IL36A: variants seen among roughly 807,000 people sequenced by gnomAD.
IL36A encodes the protein interleukin-36 alpha.
A neutral mutation model predicts 12.7 loss-of-function variants in IL36A; 13 were observed. That is an observed-to-expected ratio of 1.02 (90% CI 0.67 to 1.63). IL36A has a LOEUF of 1.63. Ranked by LOEUF, IL36A falls within the 40% of genes most tolerant of loss-of-function variation. IL36A has a pLI of 0.00. For synonymous variants in IL36A, 73 were observed against 71.9 expected (o/e 1.01, Z -0.08); for missense variants, 195 against 192.9 (o/e 1.01, Z -0.07).
intron 3 of IL36A, 103 bp from the exon 4 acceptor site, chr2:113,007,729 T>C (rs1684650587): frequency 1.1e-6 from 1 of 885,592 alleles, no homozygotes; most frequent in African/African-American, 1.6e-5. Flanking sequence ...GCTGCTTCAA[T>C]GAGTAGGGAA....
chr2:113,006,993 G>C (rs1052502444), intron 3 of IL36A, among the ~76,000 whole-genome samples: 13 of 152,154 alleles, frequency 8.5e-5, no homozygotes, highest in African/African-American at 2.7e-4. Context: ...CACACACACA[G>C]AGTAAAATCA....
intron 2 of IL36A, 65 bp from the exon 3 acceptor site, chr2:113,006,533 C>A: frequency 6.3e-7 from 1 of 1,587,518 alleles, no homozygotes; most frequent in Non-Finnish European, 8.6e-7. Context: ...TCCCTTAAAA[C>A]TCTGGCTCAG....
At position 113,006,025 on chromosome 2, in the gene IL36A, G is replaced by A. The variant is rs182845963; in HGVS notation, c.62G>A (p.Arg21Gln). 7.8e-5 allele frequency: 126 copies of A among 1,614,042 alleles called. No homozygotes were observed. In the East Asian group the frequency reaches 1.2e-3, roughly 15 times the overall value. The stretch of plus-strand genomic sequence containing the variant: ...GGGAGCATTCAGGATATCAATCATC[G>A]GGTGTGGGTTCTTCAGGACCAGACG... ...QQGSIQDINH[R>Q]VWVLQDQTLI... is the part of the protein sequence containing the mutation. Residue 21 changes from arginine (R) to glutamine (Q), a missense_variant, in exon 2 of 4, where the codon CGG becomes CAG. Physicochemically the swap from Arg to Gln is conservative, Grantham distance 43 (BLOSUM62 1). Coordinates refer to ENST00000259211, the MANE Select transcript of IL36A (RefSeq NM_014440.3).
chr2:113,005,975 A>G lies in IL36A; in HGVS notation c.12A>G (p.Ala4=). MEK[A]LKIDTPQQGS... is the part of the protein sequence containing the mutation. The stretch of plus-strand genomic sequence containing the variant: ...TTTACATTTTGACTTTCTCAACAGC[A>G]TTGAAAATTGACACACCTCAGCAGG... The change falls in exon 2 of 4, where the codon GCA becomes GCG. Residue 4 remains alanine (A), a splice_region_variant and synonymous_variant. Coordinates refer to ENST00000259211, the MANE Select transcript of IL36A (RefSeq NM_014440.3). 6 of 1,613,032 alleles carry G rather than the reference A, an allele frequency of 3.7e-6. No individual in the cohort carries two copies. Among genetic ancestry groups the G allele is most frequent in the Non-Finnish European group, 5.1e-6 (6 of 1,178,978 alleles).
Position 113,006,016 on chromosome 2 carries a change from T to A in IL36A, c.53T>A (p.Ile18Asn), listed in dbSNP as rs1366573268. Residue 18 changes from isoleucine to asparagine, a missense_variant, in exon 2 of 4, where the codon ATC (isoleucine) becomes AAC (asparagine). Coordinates refer to ENST00000259211, the MANE Select transcript of IL36A (RefSeq NM_014440.3). ...DTPQQGSIQD[I>N]NHRVWVLQDQ... ...CCTCAGCAGGGGAGCATTCAGGATA[T>A]CAATCATCGGGTGTGGGTTCTTCAG... 1 of 1,613,966 alleles carries A rather than the reference T, an allele frequency of 6.2e-7. No individual in the cohort carries two copies. The highest frequency in any genetic ancestry group is 8.5e-7 in the Non-Finnish European group (1 of 1,179,980).
downstream of IL36A, among the ~76,000 whole-genome samples, chr2:113,010,209 T>G (rs541956987): frequency 1.3e-3 from 203 of 152,322 alleles, no homozygotes; most frequent in African/African-American, 4.6e-3. Flanking sequence ...ACTGATGAAT[T>G]CCAGGGCCCT....
At chr2:113,010,499 G>GTTTATCCA (rs1684710891), downstream of IL36A, among the ~76,000 whole-genome samples, 1 of 152,188 alleles carries the variant, frequency 6.6e-6, no homozygotes, top group African/African-American at 2.4e-5. Context: ...TGAGATGTAT[G>GTTTATCCA]GACCAGCTGT....
intron 3 of IL36A, 84 bp downstream of exon 3, chr2:113,006,821 C>T: frequency 7.0e-7 from 1 of 1,423,288 alleles, no homozygotes; most frequent in African/African-American, 1.4e-5. Flanking sequence ...ACTTATTATG[C>T]TCATGCATTT....
chr2:113,006,492 A>G lies in IL36A; in HGVS notation c.125-106A>G, dbSNP rs536275836. On this transcript the variant is annotated intron_variant, in intron 2 of 3. Transcript: ENST00000259211. ...TGGTGGGTGGTGAGGTGACCATTCT[A>G]TGAGTGCACTGTGAGTGTCAGTTAG... 3.3e-4 allele frequency: 417 copies of G among 1,261,066 alleles called. 5 individuals are homozygous for G. The South Asian group carries it at 5.1e-3, about 15-fold the overall frequency. The allele number at this position is 1,261,066 out of a possible 1,614,324, so 78.1% of individuals were successfully genotyped here.
chr2:113,006,781 C>A, intron 3 of IL36A, 44 bp downstream of exon 3: 2 of 1,600,504 alleles, frequency 1.2e-6, no homozygotes, highest in South Asian at 1.1e-5. Flanking sequence ...GATGGAAACT[C>A]AGATTTCAGG....
rs752661666 is a variant in IL36A at position 113,005,800 on chromosome 2, G to A, written c.-72G>A. ...TAAACTGTGGCTTGGGACTGACTCA[G>A]GTCCTCTCTTGGGGTCGGTCTGCAC... On this transcript the variant is annotated 5_prime_UTR_variant, in exon 1 of 4. Transcript: ENST00000259211. 6.4e-7 allele frequency: 1 copy of A among 1,559,924 alleles called. No individual in the cohort carries two copies. The highest frequency in any genetic ancestry group is 8.8e-7 in the Non-Finnish European group (1 of 1,130,686).
intron 2 of IL36A, 93 bp downstream of exon 2, chr2:113,006,180 C>T (rs760960192): frequency 2.7e-5 from 22 of 805,768 alleles, no homozygotes; most frequent in African/African-American, 5.1e-5. Context: ...GCTTGTTAAC[C>T]GGGCATATCT....
chr2:113,008,815 T>A (rs532699301), downstream of IL36A, among the ~76,000 whole-genome samples: 3 of 151,706 alleles, frequency 2.0e-5, no homozygotes, highest in Non-Finnish European at 2.9e-5. Flanking sequence ...TCTTTTTTTT[T>A]TTAAAAATTT....
At chr2:113,008,358 T>C (rs952884787), downstream of IL36A, among the ~76,000 whole-genome samples, 11 of 111,794 alleles carry the variant, frequency 9.8e-5, no homozygotes, top group South Asian at 3.0e-4. Context: ...GTGGTGACTC[T>C]TTTTTTTTTT....
At chr2:113,008,199 G>C (rs1052362585), downstream of IL36A, among the ~76,000 whole-genome samples, 1 of 152,160 alleles carries the variant, frequency 6.6e-6, no homozygotes, top group Admixed American at 6.5e-5. Context: ...TGCTGGACTG[G>C]TCCCTCTCCC....
In IL36A at chr2:113,005,846, G is replaced by T; in HGVS notation, c.-26G>T. 6.2e-7 allele frequency: 1 copy of T among 1,613,978 alleles called. No individual in the cohort carries two copies. Among genetic ancestry groups the T allele is most frequent in the East Asian group, 2.2e-5 (1 of 44,876 alleles). ...TGCACATAAAAGGACTCCTATCCTT[G>T]GCAGTTCTGAAACAACACCACCACA... On this transcript the variant is annotated 5_prime_UTR_variant, in exon 1 of 4. Transcript: ENST00000259211.
chr2:113,007,972 C>T lies in IL36A; in HGVS notation c.405C>T (p.Gly135=). The T allele has an allele frequency of 1.2e-6, 2 of 1,614,202 alleles. No homozygotes were observed. Among genetic ancestry groups the T allele is most frequent in the East Asian group, 2.2e-5 (1 of 44,884 alleles). ...GWFIAVSSEG[G]CPLILTQELG... ...TCATCGCTGTCAGCTCTGAAGGAGGCTGTCCTCTCATCCTTACCCAAGAAC... is the reference window on the plus strand; with the variant it reads ...TCATCGCTGTCAGCTCTGAAGGAGGTTGTCCTCTCATCCTTACCCAAGAAC... The change falls in exon 4 of 4, where the codon GGC becomes GGT. Residue 135 remains glycine, a synonymous_variant. Transcript: ENST00000259211.
In IL36A at chr2:113,007,931, G is replaced by C; in HGVS notation, c.364G>C (p.Ala122Pro). ...SGRNSTFESV[A>P]FPGWFIAVSS... ...CAGGAACTCCACCTTCGAGTCTGTG[G>C]CTTTCCCTGGCTGGTTCATCGCTGT... The change falls in exon 4 of 4, where the codon GCT becomes CCT. Residue 122 changes from alanine to proline, a missense_variant. Transcript: ENST00000259211. The C allele has an allele frequency of 3.7e-6, 6 of 1,614,132 alleles. No homozygotes were observed. Among genetic ancestry groups the C allele is most frequent in the Middle Eastern group, 1.6e-4 (1 of 6,062 alleles).
At chr2:113,006,279 A>C (rs1157644012) in intron 2 of IL36A, among the ~76,000 whole-genome samples, 192 bp downstream of exon 2, 1 of 152,198 alleles carries the variant, frequency 6.6e-6, no homozygotes, top group Non-Finnish European at 1.5e-5. Context: ...GAGAAGAGAG[A>C]GAAGGCTTAA....
Sources: gnomAD v4.1 joint callset for allele counts (sites outside exome capture counted in the v4.1 genomes callset) on GRCh38, gnomAD v4.1.1 for gene constraint, MANE v1.5 for transcripts, NCBI Gene and HGNC (gene_info 2026-07-23, HGNC 2026-07-21) for gene names.